The following NELL1 variants were observed in gnomAD, a reference collection of about 807,000 sequenced individuals.
The protein encoded by NELL1 is neural EGFL like 1, also known as protein kinase C-binding protein NELL1.
In NELL1, 76 loss-of-function variants were observed where a neutral mutation model predicts 107.4. The ratio of observed to expected loss-of-function variants is 0.71; its 90% CI spans 0.59 to 0.86. The LOEUF is 0.86. Among genes scored for constraint, NELL1 ranks in the 40% least tolerant of loss-of-function variants. The pLI is 0.00. For missense variants in NELL1, 1,024 were observed against 1,005.5 expected (o/e 1.02, Z -0.25); for synonymous variants, 353 against 341.2 (o/e 1.03, Z -0.38).
chr11:20,872,989 C>T (rs1019575197), intron 4 of NELL1, among the ~76,000 whole-genome samples: 4 of 152,080 alleles, frequency 2.6e-5, no homozygotes, highest in Admixed American at 6.6e-5. Flanking sequence ...ATGTCCTTTC[C>T]AACCCTGAGA....
chr11:21,320,401 C>T (rs144150649), intron 14 of NELL1, among the ~76,000 whole-genome samples: 3 of 152,118 alleles, frequency 2.0e-5, no homozygotes, highest in East Asian at 1.9e-4. Context: ...TTTACATCAC[C>T]GTGATAGAGA....
intron 15 of NELL1, among the ~76,000 whole-genome samples, chr11:21,440,415 C>A (rs956130910): frequency 6.6e-6 from 1 of 151,876 alleles, no homozygotes; most frequent in Admixed American, 6.6e-5. Flanking sequence ...TATTTATCTG[C>A]ATTTAAAAGT....
At chr11:21,076,274 T>A (rs1161407011) in intron 12 of NELL1, among the ~76,000 whole-genome samples, 1 of 152,154 alleles carries the variant, frequency 6.6e-6, no homozygotes, top group Non-Finnish European at 1.5e-5. Flanking sequence ...GTGGATGGAG[T>A]CAGGGTTTCC....
At chr11:20,972,180 C>T (rs752794827) in intron 12 of NELL1, among the ~76,000 whole-genome samples, 1 of 151,890 alleles carries the variant, frequency 6.6e-6, no homozygotes, top group African/African-American at 2.4e-5. Context: ...ACATATATCC[C>T]AGAACTTAAA....
chr11:21,559,522 TTA>T (rs779554812), intron 16 of NELL1, among the ~76,000 whole-genome samples: 11 of 152,232 alleles, frequency 7.2e-5, no homozygotes, highest in Non-Finnish European at 1.5e-4. Flanking sequence ...GACAATATAT[TTA>T]TGTCTTTCAT....
At chr11:21,496,387 A>G (rs1854979212) in intron 15 of NELL1, among the ~76,000 whole-genome samples, 1 of 148,890 alleles carries the variant, frequency 6.7e-6, no homozygotes, top group African/African-American at 2.5e-5. Context: ...TACAATTTAA[A>G]CATATTTTTA....
At chr11:21,248,341 CAA>C (rs373293988) in intron 14 of NELL1, among the ~76,000 whole-genome samples, 4 of 126,868 alleles carry the variant, frequency 3.2e-5, no homozygotes, top group Admixed American at 7.9e-5. Flanking sequence ...GAGAGCCTGT[CAA>C]AAAAAAAAAA....
At chr11:21,329,969 T>A (rs998001932) in intron 14 of NELL1, among the ~76,000 whole-genome samples, 20 of 152,156 alleles carry the variant, frequency 1.3e-4, no homozygotes, top group Non-Finnish European at 2.9e-5. Flanking sequence ...GCTTAATGTC[T>A]TTTAAAGTAG....
At chr11:21,455,512 T>C (rs1299743060) in intron 15 of NELL1, among the ~76,000 whole-genome samples, 1 of 151,838 alleles carries the variant, frequency 6.6e-6, no homozygotes, top group Non-Finnish European at 1.5e-5. Context: ...TTAAAATGTT[T>C]TTGTATAGAC....
rs1454006 is a variant in NELL1, at chr11:21,254,483, C to A, written c.1549+25029C>A. ...TAAGGTAACATTTGCTCAATTTATA[C>A]GAAAAAAAGACTTCATGGAGAAAAG... is the stretch of plus-strand genomic sequence containing the variant. On this transcript the variant is annotated intron_variant, in intron 14 of 19. Coordinates refer to ENST00000357134, the MANE Select transcript of NELL1 (RefSeq NM_006157.5). Among the ~76,000 whole-genome samples the A allele has an allele frequency of 1.6e-3, 243 of 151,782 alleles. 1 individual carries two copies. Among genetic ancestry groups the A allele is most frequent in the African/African-American group, 5.7e-3 (237 of 41,392 alleles).
Position 21,127,727 on chromosome 11 carries a change from A to G in NELL1, c.1426+14013A>G, listed in dbSNP as rs16925118. Among the ~76,000 whole-genome samples, 1,134 of 152,298 alleles carry G rather than the reference A, an allele frequency of 7.4e-3. 16 individuals carry two copies. Among genetic ancestry groups the G allele is most frequent in the African/African-American group, 0.026 (1,065 of 41,580 alleles). On this transcript the variant is annotated intron_variant, in intron 13 of 19. Coordinates refer to ENST00000357134, the MANE Select transcript of NELL1 (RefSeq NM_006157.5). ...AGTATTTATCTTATGTCTGTTTTCA[A>G]TGCCTGCATTTGTAGTCTACATTGT...
chr11:21,435,126 A>G (rs1264945790), intron 15 of NELL1, among the ~76,000 whole-genome samples: 2 of 152,046 alleles, frequency 1.3e-5, no homozygotes, highest in Non-Finnish European at 2.9e-5. Context: ...TCATCAGTAA[A>G]GAGGGAATTC....
At chr11:20,991,321 C>T (rs181396885) in intron 12 of NELL1, among the ~76,000 whole-genome samples, 13 of 152,286 alleles carry the variant, frequency 8.5e-5, no homozygotes, top group African/African-American at 2.9e-4. Context: ...GTTTTACTGC[C>T]ACTGAGATTT....
At chr11:21,444,023 T>C (rs1420814964) in intron 15 of NELL1, among the ~76,000 whole-genome samples, 1 of 152,148 alleles carries the variant, frequency 6.6e-6, no homozygotes, top group Non-Finnish European at 1.5e-5. Flanking sequence ...TTTATATATA[T>C]AACTAAGACA....
chr11:20,674,191 A>G (rs1853990757), intron 1 of NELL1, among the ~76,000 whole-genome samples: 1 of 152,180 alleles, frequency 6.6e-6, no homozygotes, highest in Non-Finnish European at 1.5e-5. Flanking sequence ...GGATTTTACT[A>G]GCAAACCCAG....
intron 5 of NELL1, among the ~76,000 whole-genome samples, chr11:20,910,359 A>C (rs1474170294): frequency 6.6e-6 from 1 of 151,950 alleles, no homozygotes; most frequent in East Asian, 1.9e-4. Context: ...GGGGAAACAG[A>C]CTCCCCCTCT....
intron 15 of NELL1, among the ~76,000 whole-genome samples, chr11:21,449,057 C>T (rs1159567546): frequency 6.6e-6 from 1 of 152,294 alleles, no homozygotes; most frequent in East Asian, 1.9e-4. Flanking sequence ...TTTATTCCCT[C>T]TCTTGGGTAC....
intron 4 of NELL1, among the ~76,000 whole-genome samples, chr11:20,861,305 G>A (rs949260648): frequency 3.9e-5 from 6 of 152,012 alleles, no homozygotes; most frequent in African/African-American, 1.2e-4. Flanking sequence ...TTCAACTTGC[G>A]TTTTCATTTA....
At chr11:21,416,810 A>G (rs944521768) in intron 15 of NELL1, among the ~76,000 whole-genome samples, 4 of 152,096 alleles carry the variant, frequency 2.6e-5, no homozygotes, top group Non-Finnish European at 5.9e-5. Flanking sequence ...GCAGTGACAC[A>G]TATGGAAAAA....
Sources: gnomAD v4.1 joint callset for allele counts (sites outside exome capture counted in the v4.1 genomes callset) on GRCh38, gnomAD v4.1.1 for gene constraint, MANE v1.5 for transcripts, NCBI Gene and HGNC (gene_info 2026-07-23, HGNC 2026-07-21) for gene names.